Variants in GTF2H1 observed in about 807,000 individuals in gnomAD.
The protein encoded by GTF2H1 is general transcription factor IIH subunit 1.
GTF2H1 carries 16 observed loss-of-function variants against 71.2 expected under a neutral mutation model. The ratio of observed to expected loss-of-function variants is 0.22; its 90% CI spans 0.15 to 0.34. The LOEUF is 0.34. GTF2H1 is among the 10% of genes least tolerant of loss of function. GTF2H1 has a pLI of 1.00. For synonymous variants in GTF2H1, 215 were observed against 219.0 expected (o/e 0.98, Z 0.16); for missense variants, 498 against 648.2 (o/e 0.77, Z 2.52).
At chr11:18,328,678 T>A (rs910425599) in intron 1 of GTF2H1, among the ~76,000 whole-genome samples, 4 of 150,782 alleles carry the variant, frequency 2.7e-5, no homozygotes, top group Non-Finnish European at 5.9e-5. Flanking sequence ...TACAAAAAAT[T>A]AGCCAGGCAT....
intron 14 of GTF2H1, among the ~76,000 whole-genome samples, chr11:18,362,353 A>G (rs1865721917): frequency 6.6e-6 from 1 of 152,196 alleles, no homozygotes; most frequent in Non-Finnish European, 1.5e-5. Flanking sequence ...TCAGTGAGTG[A>G]ATGTGAAGGC....
In GTF2H1 at chr11:18,339,671, G is replaced by T; in HGVS notation, c.607+14G>T. ...CCTATCCAGCAGGTAAGAAGAATCA[G>T]TTCTTTCAGATGGTTAAAATATATG... is the stretch of plus-strand genomic sequence containing the variant. On this transcript the variant is annotated intron_variant, in intron 5 of 14. Coordinates refer to ENST00000265963, the MANE Select transcript of GTF2H1 (RefSeq NM_005316.4). The T allele has an allele frequency of 7.1e-7, 1 of 1,410,260 alleles. No homozygotes were observed. Among genetic ancestry groups the T allele is most frequent in the East Asian group, 2.3e-5 (1 of 43,954 alleles). The allele number at this position is 1,410,260 out of a possible 1,614,324, so 87.4% of individuals were successfully genotyped here.
chr11:18,324,935 C>A (rs1367401269), intron 1 of GTF2H1, among the ~76,000 whole-genome samples: 1 of 152,218 alleles, frequency 6.6e-6, no homozygotes, highest in Non-Finnish European at 1.5e-5. Flanking sequence ...CAGTTATTCT[C>A]CTTAATATCT....
intron 14 of GTF2H1, among the ~76,000 whole-genome samples, chr11:18,362,435 T>C (rs1865724211): frequency 6.6e-6 from 1 of 152,154 alleles, no homozygotes; most frequent in African/African-American, 2.4e-5. Context: ...ATTTACAATA[T>C]AGCTTTTTTT....
rs758339930 is a variant in GTF2H1 at position 18,360,599 on chromosome 11, T to C, written c.1468-16T>C. 8.0e-7 allele frequency: 1 copy of C among 1,251,104 alleles called. No homozygotes were observed. The highest frequency in any genetic ancestry group is 1.1e-6 in the Non-Finnish European group (1 of 884,796). 77.5% of individuals were successfully genotyped at this position (1,251,104 alleles called of 1,614,324 possible). A position where few individuals can be genotyped will look rare whatever the true frequency, so the allele number is the denominator to read the frequency against. ...TTGAGATTTCTCTGTAATTTATTGTTTCTCATCTTTTTTAGGTAGTGAAAA... is the reference window on the plus strand; with the variant it reads ...TTGAGATTTCTCTGTAATTTATTGTCTCTCATCTTTTTTAGGTAGTGAAAA... On this transcript the variant is annotated splice_polypyrimidine_tract_variant and intron_variant, in intron 13 of 14. Transcript: ENST00000265963.
At chr11:18,323,779 C>T (rs1230672473) in intron 1 of GTF2H1, among the ~76,000 whole-genome samples, 1 of 152,176 alleles carries the variant, frequency 6.6e-6, no homozygotes, top group Non-Finnish European at 1.5e-5. Context: ...TAACTTCTAT[C>T]CTAGAGGCCA....
intron 2 of GTF2H1, 198 bp downstream of exon 2, chr11:18,333,426 A>G (rs1425245784): frequency 7.5e-6 from 3 of 401,144 alleles, no homozygotes; most frequent in Non-Finnish European, 8.8e-6. Context: ...GTTTACATAT[A>G]ATATGTAAAT....
chr11:18,351,337 A>G (rs1865418568), intron 9 of GTF2H1, among the ~76,000 whole-genome samples: 1 of 149,204 alleles, frequency 6.7e-6, no homozygotes, highest in South Asian at 2.1e-4. Flanking sequence ...GCTGGAACGC[A>G]GTGGCGTGAT....
chr11:18,344,199 C>T (rs4150624), intron 7 of GTF2H1, among the ~76,000 whole-genome samples: 5,042 of 152,278 alleles, frequency 0.033, 270 homozygotes, highest in African/African-American at 0.11. Context: ...TCTGTGGGAT[C>T]TACACAAACG....
chr11:18,353,431 G>C (rs981492580), intron 11 of GTF2H1, among the ~76,000 whole-genome samples: 1 of 152,076 alleles, frequency 6.6e-6, no homozygotes, highest in Non-Finnish European at 1.5e-5. Context: ...ACATGGCCAA[G>C]GGTTCCAGCC....
intron 14 of GTF2H1, 95 bp from the exon 15 acceptor site, chr11:18,365,688 G>T: frequency 1.2e-6 from 1 of 803,432 alleles, no homozygotes; most frequent in Non-Finnish European, 2.2e-6. Context: ...GAGGAGCTCC[G>T]AAACTACACT....
chr11:18,361,810 C>G (rs977160931), intron 14 of GTF2H1, among the ~76,000 whole-genome samples: 1 of 152,192 alleles, frequency 6.6e-6, no homozygotes, highest in Non-Finnish European at 1.5e-5. Flanking sequence ...AAAACTGTTC[C>G]TGGGTTCTAT....
intron 2 of GTF2H1, among the ~76,000 whole-genome samples, chr11:18,334,479 AT>A (rs1391516668): frequency 3.3e-5 from 5 of 152,256 alleles, no homozygotes; most frequent in Admixed American, 6.5e-5. Flanking sequence ...AATTAGCAGT[AT>A]TAGCGTCTCT....
chr11:18,332,991 A>AATTCT, intron 1 of GTF2H1, 69 bp from the exon 2 acceptor site: 2 of 1,039,198 alleles, frequency 1.9e-6, no homozygotes, highest in Non-Finnish European at 2.8e-6. Context: ...GGGACTCTAG[A>AATTCT]AGTCAACAAA....
rs760341487 is a variant in GTF2H1, at chr11:18,358,530, G to A, written c.1357G>A (p.Val453Met). Residue 453 changes from valine (V) to methionine (M), a missense_variant, in exon 13 of 15, where the codon GTG becomes ATG. Physicochemically the swap from Val to Met is conservative, Grantham distance 21. Coordinates refer to ENST00000265963, the MANE Select transcript of GTF2H1 (RefSeq NM_005316.4). ...GGTQQAINQM[V>M]PNDIQSELKH... ...GCCTTGTTCTTCTTTTGCAGAGATG[G>A]TGCCAAATGATATTCAATCTGAATT... 3 of 1,586,566 alleles carry A rather than the reference G, an allele frequency of 1.9e-6. No homozygotes were observed. The highest frequency in any genetic ancestry group is 2.2e-5 in the South Asian group (2 of 90,456).
At chr11:18,355,282 A>G (rs955961165) in intron 11 of GTF2H1, among the ~76,000 whole-genome samples, 1 of 151,284 alleles carries the variant, frequency 6.6e-6, no homozygotes, top group Non-Finnish European at 1.5e-5. Context: ...AGCTGGGACT[A>G]TAGGCGCCCG....
chr11:18,337,149 C>T (rs1015370619), intron 3 of GTF2H1, among the ~76,000 whole-genome samples: 3 of 152,248 alleles, frequency 2.0e-5, no homozygotes, highest in Non-Finnish European at 2.9e-5. Flanking sequence ...TTGCTGAAGG[C>T]GGGGCATAAT....
intron 9 of GTF2H1, chr11:18,348,195 T>C (rs1865343173): frequency 2.3e-6 from 1 of 426,432 alleles, no homozygotes; most frequent in African/African-American, 2.0e-5. Context: ...CAGATTGTTC[T>C]TATATGTGAT....
intron 11 of GTF2H1, among the ~76,000 whole-genome samples, chr11:18,357,489 G>A (rs1313592614): frequency 6.6e-6 from 1 of 152,142 alleles, no homozygotes; most frequent in Non-Finnish European, 1.5e-5. Context: ...GGCTGAGGGA[G>A]GAGGATTGCT....
Sources: allele counts gnomAD v4.1 joint callset (sites outside exome capture counted in the v4.1 genomes callset), GRCh38; gene constraint gnomAD v4.1.1; transcripts MANE v1.5; gene names NCBI Gene and HGNC (gene_info 2026-07-23, HGNC 2026-07-21).